DGKI: variants seen among roughly 807,000 people sequenced by gnomAD.
DGKI encodes the protein diacylglycerol kinase iota.
A neutral mutation model predicts 147.5 loss-of-function variants in DGKI; 55 were observed. The ratio of observed to expected loss-of-function variants is 0.37; its 90% confidence interval spans 0.30 to 0.47. DGKI has a LOEUF of 0.47. Among genes scored for constraint, DGKI ranks in the 20% least tolerant of loss-of-function variants. The pLI is 1.00. For missense variants in DGKI, 1,007 were observed against 1,323.8 expected, an observed-to-expected ratio of 0.76 and a Z score of 3.71; for synonymous variants, 469 against 477.1, an observed-to-expected ratio of 0.98 and a Z score of 0.22.
chr7:137,763,059 A>G (rs1412052912), intron 1 of DGKI, among the ~76,000 whole-genome samples: 2 of 152,220 alleles, frequency 1.3e-5, no homozygotes, highest in African/African-American at 4.8e-5. Flanking sequence ...TTGCTGATGA[A>G]AAGTTTCAAA....
chr7:137,635,653 CAG>C (rs1821284319), intron 6 of DGKI, among the ~76,000 whole-genome samples: 1 of 152,184 alleles, frequency 6.6e-6, no homozygotes, highest in Admixed American at 6.5e-5. Context: ...GAAGGCCTGA[CAG>C]AGAGATGGAA....
Position 137,585,314 on chromosome 7 carries a change from C to T in DGKI, c.1458G>A (p.Leu486=), listed in dbSNP as rs773993306. 3 of 1,614,144 alleles carry T rather than the reference C, an allele frequency of 1.9e-6. No individual in the cohort carries two copies. Among genetic ancestry groups the T allele is most frequent in the Non-Finnish European group, 2.5e-6 (3 of 1,180,014 alleles). Residue 486 remains leucine (L), a synonymous_variant, in exon 14 of 33, where the codon CTG becomes CTA. Transcript: ENST00000614521. ...GYTDEPVSKI[L]CQVEDGTVVQ... ...CAACTGTCCCATCTTCCACTTGACA[C>T]AGGATCTTAGAAACAGGTTCATCAG...
intron 28 of DGKI, among the ~76,000 whole-genome samples, chr7:137,437,805 C>G (rs1563019016): frequency 6.6e-6 from 1 of 151,924 alleles, no homozygotes; most frequent in Non-Finnish European, 1.5e-5. Context: ...AAAATAGAAC[C>G]TAGAGACTCA....
intron 30 of DGKI, among the ~76,000 whole-genome samples, chr7:137,406,745 C>T (rs990326482): frequency 1.2e-4 from 18 of 152,060 alleles, no homozygotes; most frequent in African/African-American, 2.2e-4. Flanking sequence ...CTCCATATAT[C>T]GGTTTTAAAT....
chr7:137,573,041 C>T lies in DGKI; in HGVS notation c.1762-203G>A, dbSNP rs142960986. Among the ~76,000 whole-genome samples, 354 of 152,182 alleles carry T rather than the reference C, an allele frequency of 2.3e-3. 2 individuals are homozygous for T. Among genetic ancestry groups the T allele is most frequent in the Non-Finnish European group, 3.9e-3 (264 of 67,992 alleles). ...CCAGGGTACAGAGGTTGGTTTTGTTCGCACTTAAGGTAAGAACAAAACCTC... is the reference window on the plus strand; with the variant it reads ...CCAGGGTACAGAGGTTGGTTTTGTTTGCACTTAAGGTAAGAACAAAACCTC... On this transcript the variant is annotated intron_variant, in intron 17 of 32. Transcript: ENST00000614521.
intron 2 of DGKI, among the ~76,000 whole-genome samples, chr7:137,682,385 A>C (rs1171457743): frequency 6.6e-6 from 1 of 152,014 alleles, no homozygotes; most frequent in Non-Finnish European, 1.5e-5. Flanking sequence ...GGCCCTTCTC[A>C]CTTTCCTAGA....
rs1811059372 is a variant in DGKI, at chr7:137,381,472, A to G, written c.*9748T>C. ...TAGGGCAGAATCAGAAATCATGAAAAAGCCCTTTATAATGTGACTGCAACT... is the reference window on the plus strand; with the variant it reads ...TAGGGCAGAATCAGAAATCATGAAAGAGCCCTTTATAATGTGACTGCAACT... On this transcript the variant is annotated 3_prime_UTR_variant, in exon 33 of 33. Coordinates refer to ENST00000614521, the MANE Select transcript of DGKI (RefSeq NM_001321708.2). 6.6e-6 allele frequency: 1 copy of G among 151,638 alleles called. No homozygotes were observed. Among genetic ancestry groups the G allele is most frequent in the Admixed American group, 6.6e-5 (1 of 15,178 alleles). The allele number at this position is 151,638 out of a possible 1,614,324, so 9.4% of individuals were successfully genotyped here. A position where few individuals can be genotyped will look rare whatever the true frequency, so the allele number is the denominator to read the frequency against.
intron 3 of DGKI, among the ~76,000 whole-genome samples, chr7:137,666,573 G>A (rs1822649881): frequency 6.6e-6 from 1 of 152,186 alleles, no homozygotes; most frequent in Non-Finnish European, 1.5e-5. Context: ...ATTGCAGCCA[G>A]TCTTTATAAC....
chr7:137,521,279 T>C, intron 21 of DGKI, among the ~76,000 whole-genome samples: 1 of 152,096 alleles, frequency 6.6e-6, no homozygotes, highest in Non-Finnish European at 1.5e-5. Flanking sequence ...TAGCTATGTA[T>C]TCAAAGAAGC....
chr7:137,440,939 C>T (rs1399884216), intron 28 of DGKI, among the ~76,000 whole-genome samples: 2 of 152,236 alleles, frequency 1.3e-5, no homozygotes, highest in Non-Finnish European at 2.9e-5. Flanking sequence ...CTCCTCCTCA[C>T]CCTGATGTAA....
chr7:137,776,199 T>C (rs951302649), intron 1 of DGKI, among the ~76,000 whole-genome samples: 2 of 152,204 alleles, frequency 1.3e-5, no homozygotes, highest in Non-Finnish European at 2.9e-5. Flanking sequence ...GGCAGTATTA[T>C]GCAATGAGTG....
intron 20 of DGKI, among the ~76,000 whole-genome samples, chr7:137,529,354 C>T (rs183892003): frequency 0.012 from 1,854 of 152,216 alleles, 17 homozygotes; most frequent in Non-Finnish European, 0.021. Flanking sequence ...AAAATCTATG[C>T]TTTTGAGCAT....
At chr7:137,633,038 C>A (rs577191895) in intron 6 of DGKI, among the ~76,000 whole-genome samples, 14 of 151,920 alleles carry the variant, frequency 9.2e-5, no homozygotes, top group African/African-American at 2.9e-4. Flanking sequence ...CATGGAGAAA[C>A]CCTGTCGCTA....
intron 2 of DGKI, among the ~76,000 whole-genome samples, chr7:137,687,613 C>T (rs1156991069): frequency 1.3e-5 from 2 of 152,182 alleles, no homozygotes; most frequent in Non-Finnish European, 2.9e-5. Context: ...TTTTCTGAAA[C>T]AAATGCTTTA....
At chr7:137,460,997 A>G (rs752238483) in intron 27 of DGKI, among the ~76,000 whole-genome samples, 23 of 152,244 alleles carry the variant, frequency 1.5e-4, no homozygotes, top group Admixed American at 6.5e-4. Flanking sequence ...AAAGAAAAAA[A>G]TGCTTAAAAA....
intron 30 of DGKI, among the ~76,000 whole-genome samples, chr7:137,399,691 T>C (rs1811677730): frequency 6.6e-6 from 1 of 152,072 alleles, no homozygotes; most frequent in African/African-American, 2.4e-5. Context: ...GGGTGGATCA[T>C]TTGAGGTCAG....
At chr7:137,768,096 C>T (rs558383490) in intron 1 of DGKI, among the ~76,000 whole-genome samples, 116 of 152,206 alleles carry the variant, frequency 7.6e-4, no homozygotes, top group Admixed American at 1.9e-3. Context: ...GAGGAAGCTA[C>T]AGAAAGTGGG....
chr7:137,462,500 C>T (rs1288153909), intron 27 of DGKI, among the ~76,000 whole-genome samples: 1 of 152,198 alleles, frequency 6.6e-6, no homozygotes, highest in East Asian at 1.9e-4. Flanking sequence ...TGCCTCGAAA[C>T]TTTGCCAATG....
intron 23 of DGKI, among the ~76,000 whole-genome samples, chr7:137,484,383 C>T (rs890306621): frequency 6.6e-6 from 1 of 152,046 alleles, no homozygotes; most frequent in Non-Finnish European, 1.5e-5. Context: ...CCAGGATTTT[C>T]ACATTTATAA....
Sources: allele counts gnomAD v4.1 joint callset (sites outside exome capture counted in the v4.1 genomes callset), GRCh38; gene constraint gnomAD v4.1.1; transcripts MANE v1.5; gene names NCBI Gene and HGNC (gene_info 2026-07-23, HGNC 2026-07-21).